Variants in AGBL1 observed in about 807,000 individuals in gnomAD.
AGBL1 encodes the protein cytosolic carboxypeptidase 4.
Under a neutral mutation model 118.9 loss-of-function variants are expected in AGBL1, and 130 were observed. The ratio of observed to expected loss-of-function variants is 1.09; its 90% CI spans 0.95 to 1.26. The LOEUF (loss-of-function observed/expected upper bound fraction) is 1.26, where lower values mean the gene tolerates loss of function less well. AGBL1 is among the 50% of genes most tolerant of loss of function. The pLI, the probability that AGBL1 is intolerant of heterozygous loss-of-function variation, is 0.00. For synonymous variants in AGBL1, 555 were observed against 478.9 expected (o/e 1.16, Z -2.08); for missense variants, 1,584 against 1,298.1 (o/e 1.22, Z -3.38).
At chr15:86,099,605 T>C (rs1043492700) in intron 1 of AGBL1, among the ~76,000 whole-genome samples, 2 of 151,400 alleles carry the variant, frequency 1.3e-5, no homozygotes, top group African/African-American at 4.9e-5. Flanking sequence ...AGTGGTGCGA[T>C]CTTGGCTCAC....
chr15:87,001,083 C>T (rs1490457954), intron 24 of AGBL1, among the ~76,000 whole-genome samples: 1 of 132,228 alleles, frequency 7.6e-6, no homozygotes, highest in Non-Finnish European at 1.6e-5. Context: ...GATTTTGTAT[C>T]CTGAGACTTT....
At chr15:86,465,574 G>T (rs997705371) in intron 18 of AGBL1, among the ~76,000 whole-genome samples, 1 of 152,126 alleles carries the variant, frequency 6.6e-6, no homozygotes, top group Non-Finnish European at 1.5e-5. Context: ...GAATAACCTG[G>T]GAAAACGAAT....
chr15:86,281,510 G>T (rs551936906), intron 16 of AGBL1, among the ~76,000 whole-genome samples: 140 of 152,342 alleles, frequency 9.2e-4, no homozygotes, highest in African/African-American at 2.9e-3. Context: ...CTAGGACACT[G>T]TTCTTTTTGC....
At chr15:86,864,772 C>T (rs139207235) in intron 22 of AGBL1, among the ~76,000 whole-genome samples, 32 of 152,264 alleles carry the variant, frequency 2.1e-4, no homozygotes, top group Non-Finnish European at 4.4e-4. Context: ...AGGAGCTAGG[C>T]GTCAGGAGTT....
Position 86,672,061 on chromosome 15 carries a change from GA to G in AGBL1, c.2995-2211del, listed in dbSNP as rs2085755707. On this transcript the variant is annotated intron_variant, in intron 21 of 22. Transcript: ENST00000614907. ...TACTCCAGCTTGGGTGACAGAGCAA[GA>G]CCCTTTTTCTAAAACAAAACAAAAA... Among the ~76,000 whole-genome samples, 6 of 152,202 alleles carry G rather than the reference GA, an allele frequency of 3.9e-5. No homozygotes were observed. The South Asian group carries it at 1.2e-3, about 32-fold the overall frequency.
intron 22 of AGBL1, among the ~76,000 whole-genome samples, chr15:86,726,043 A>C (rs1279307025): frequency 6.6e-6 from 1 of 152,232 alleles, no homozygotes; most frequent in East Asian, 1.9e-4. Flanking sequence ...TGAACAGATA[A>C]ATGTGAGAAA....
intron 17 of AGBL1, among the ~76,000 whole-genome samples, chr15:86,305,567 A>T (rs2079825935): frequency 6.6e-6 from 1 of 152,214 alleles, no homozygotes; most frequent in Admixed American, 6.5e-5. Flanking sequence ...AAATTAAAAA[A>T]CTAAAAAGTG....
intron 18 of AGBL1, among the ~76,000 whole-genome samples, chr15:86,473,582 A>G (rs1441087405): frequency 1.3e-5 from 2 of 152,114 alleles, no homozygotes; most frequent in Non-Finnish European, 2.9e-5. Flanking sequence ...TCATGTGTAC[A>G]TACTTTGTGT....
intron 22 of AGBL1, among the ~76,000 whole-genome samples, chr15:86,688,357 G>T (rs547442978): frequency 3.3e-5 from 5 of 152,116 alleles, no homozygotes; most frequent in Admixed American, 6.6e-5. Flanking sequence ...GTCAAGGTGA[G>T]AGAGGGAACT....
intron 22 of AGBL1, among the ~76,000 whole-genome samples, chr15:86,894,047 C>A (rs972933044): frequency 4.6e-5 from 7 of 152,292 alleles, no homozygotes; most frequent in Admixed American, 1.3e-4. Flanking sequence ...TGCCCCTACA[C>A]CATGACTCTC....
At chr15:86,209,580 T>A (rs760357200) in intron 5 of AGBL1, among the ~76,000 whole-genome samples, 11 of 152,208 alleles carry the variant, frequency 7.2e-5, no homozygotes, top group Non-Finnish European at 1.0e-4. Context: ...GCCTTCTTTG[T>A]CTCTTTTGAT....
At chr15:86,133,854 T>C (rs560183401) in intron 1 of AGBL1, among the ~76,000 whole-genome samples, 7 of 152,232 alleles carry the variant, frequency 4.6e-5, no homozygotes, top group Non-Finnish European at 8.8e-5. Context: ...TATTTTGTTT[T>C]ATTTTATATC....
intron 7 of AGBL1, among the ~76,000 whole-genome samples, chr15:86,252,673 G>A (rs35689347): frequency 0.37 from 56,081 of 151,890 alleles, 11,141 homozygotes; most frequent in African/African-American, 0.51. Flanking sequence ...CTAGGAGAGC[G>A]TTTTGAAAAG....
intron 22 of AGBL1, among the ~76,000 whole-genome samples, chr15:86,811,673 CCAAA>C (rs1403671106): frequency 1.3e-5 from 2 of 152,006 alleles, no homozygotes; most frequent in Admixed American, 1.3e-4. Flanking sequence ...GGGCTCAGTC[CCAAA>C]CAGTTTGGAA....
intron 21 of AGBL1, among the ~76,000 whole-genome samples, chr15:86,603,528 A>T (rs2084528028): frequency 6.6e-6 from 1 of 151,736 alleles, no homozygotes; most frequent in Admixed American, 6.6e-5. Context: ...TCTAATATCC[A>T]TCCCTTTTAC....
At chr15:86,621,226 T>A (rs975967839) in intron 21 of AGBL1, among the ~76,000 whole-genome samples, 1 of 152,204 alleles carries the variant, frequency 6.6e-6, no homozygotes, top group Non-Finnish European at 1.5e-5. Flanking sequence ...ACTCCTCTGC[T>A]ATAGAATTCA....
rs550731149 is a variant in AGBL1, at chr15:86,201,668, A to T, written c.489-23246A>T. ...CCATGGTGCAAAACCTGGCAGCTGGAGGGAGGAGAGGGGAGCACAATGGAG... is the reference window on the plus strand; with the variant it reads ...CCATGGTGCAAAACCTGGCAGCTGGTGGGAGGAGAGGGGAGCACAATGGAG... On this transcript the variant is annotated intron_variant, in intron 5 of 22. Coordinates refer to ENST00000614907, the MANE Select transcript of AGBL1 (RefSeq NM_001386094.1). 2.6e-5 allele frequency among the ~76,000 whole-genome samples: 4 copies of T among 152,276 alleles called. No homozygotes were observed. In the East Asian group the frequency reaches 7.7e-4, roughly 29 times the overall value.
At chr15:86,438,941 A>G (rs1471935594) in intron 18 of AGBL1, among the ~76,000 whole-genome samples, 3 of 152,094 alleles carry the variant, frequency 2.0e-5, no homozygotes, top group Non-Finnish European at 4.4e-5. Flanking sequence ...GATTACAGGC[A>G]TGAGCCACTG....
At chr15:86,285,276 A>G (rs1597680004) in intron 16 of AGBL1, among the ~76,000 whole-genome samples, 1 of 152,064 alleles carries the variant, frequency 6.6e-6, no homozygotes, top group South Asian at 2.1e-4. Flanking sequence ...AGCAGGAGGG[A>G]GATTTCATTG....
Sources: allele counts gnomAD v4.1 joint callset (sites outside exome capture counted in the v4.1 genomes callset), GRCh38; gene constraint gnomAD v4.1.1; transcripts MANE v1.5; gene names NCBI Gene and HGNC (gene_info 2026-07-23, HGNC 2026-07-21).